IL1RAPL1: variants seen among roughly 807,000 people sequenced by gnomAD.
IL1RAPL1 encodes interleukin-1 receptor accessory protein-like 1.
Under a neutral mutation model 48.4 loss-of-function variants are expected in IL1RAPL1, and 3 were observed. The ratio of observed to expected loss-of-function variants is 0.06; its 90% CI spans 0.03 to 0.16. The LOEUF is 0.16. Among genes scored for constraint, IL1RAPL1 ranks in the 10% least tolerant of loss-of-function variants. IL1RAPL1 has a pLI of 1.00. For missense variants in IL1RAPL1, 349 were observed against 530.6 expected (o/e 0.66, Z 3.36); for synonymous variants, 185 against 187.7 (o/e 0.99, Z 0.12).
At chrX:29,008,262 C>T (rs1209042224) in intron 2 of IL1RAPL1, among the ~76,000 whole-genome samples, 1 of 110,438 alleles carries the variant, frequency 9.1e-6, no homozygotes, top group Non-Finnish European at 1.9e-5. Context: ...CTCCGCCTCC[C>T]GGGTTCACAC....
intron 2 of IL1RAPL1, among the ~76,000 whole-genome samples, chrX:29,230,504 CAAAA>C (rs60539139): frequency 1.1e-3 from 18 of 16,593 alleles, no homozygotes; most frequent in African/African-American, 2.9e-3. Flanking sequence ...GTCCCTTTAC[CAAAA>C]AAAAAAAAAA....
At chrX:29,001,228 TTACA>T (rs1392123664) in intron 2 of IL1RAPL1, among the ~76,000 whole-genome samples, 1 of 112,230 alleles carries the variant, frequency 8.9e-6, no homozygotes, top group Non-Finnish European at 1.9e-5. Flanking sequence ...TTGAAAAATC[TTACA>T]TACAGTATTA....
chrX:28,985,737 A>G (rs56984215), intron 2 of IL1RAPL1, among the ~76,000 whole-genome samples: 5,399 of 99,864 alleles, frequency 0.054, 170 homozygotes, highest in African/African-American at 0.1. Context: ...TCGGCTCACT[A>G]CAAGCTCCGC....
chrX:28,818,931 C>G (rs1457903415), intron 2 of IL1RAPL1, among the ~76,000 whole-genome samples: 2 of 110,477 alleles, frequency 1.8e-5, no homozygotes, highest in African/African-American at 3.3e-5. Context: ...GTACATAGTT[C>G]CTGTGTTATT....
intron 6 of IL1RAPL1, among the ~76,000 whole-genome samples, chrX:29,785,656 G>A (rs139920899): frequency 0.026 from 2,937 of 111,713 alleles, 74 homozygotes; most frequent in African/African-American, 0.091. Context: ...AACTCGAAAT[G>A]AATAAAACGT....
chrX:29,913,029 C>T (rs1156299339), intron 6 of IL1RAPL1, among the ~76,000 whole-genome samples: 2 of 111,234 alleles, frequency 1.8e-5, no homozygotes, highest in Non-Finnish European at 3.8e-5. Flanking sequence ...TGGGTTCCAA[C>T]GTCACAGCTC....
intron 2 of IL1RAPL1, among the ~76,000 whole-genome samples, chrX:29,124,257 A>G (rs1396833273): frequency 8.9e-6 from 1 of 112,489 alleles, no homozygotes; most frequent in Non-Finnish European, 1.9e-5. Context: ...ATAGTCCATC[A>G]TCAAAAATAA....
intron 6 of IL1RAPL1, among the ~76,000 whole-genome samples, chrX:29,761,265 C>T (rs1179096159): frequency 8.9e-6 from 1 of 111,824 alleles, no homozygotes; most frequent in Non-Finnish European, 1.9e-5. Context: ...TCTAAAACTT[C>T]TCCATCTTTC....
At chrX:29,482,378 T>C (rs1483040847) in intron 5 of IL1RAPL1, among the ~76,000 whole-genome samples, 1 of 111,969 alleles carries the variant, frequency 8.9e-6, no homozygotes, top group East Asian at 2.8e-4. Flanking sequence ...CTTATACATA[T>C]GGGTATGATA....
At chrX:29,920,439 G>A (rs1279476106) in intron 8 of IL1RAPL1, among the ~76,000 whole-genome samples, 1 of 111,229 alleles carries the variant, frequency 9.0e-6, no homozygotes, top group Non-Finnish European at 1.9e-5. Context: ...ACAAAAAAAT[G>A]TGAAGGGCTT....
At chrX:29,475,564 A>G (rs1350986295) in intron 5 of IL1RAPL1, among the ~76,000 whole-genome samples, 2 of 112,119 alleles carry the variant, frequency 1.8e-5, no homozygotes, top group Non-Finnish European at 3.8e-5. Context: ...GAAGGCACCA[A>G]TGAATCTAAT....
chrX:29,213,851 A>C (rs1166673400), intron 2 of IL1RAPL1, among the ~76,000 whole-genome samples: 1 of 112,036 alleles, frequency 8.9e-6, no homozygotes, highest in East Asian at 2.8e-4. Flanking sequence ...ATTTTCTTTG[A>C]TCCATAACAT....
rs770531366 is a variant in IL1RAPL1, at chrX:28,943,437, A to T, written c.82+154012A>T. ...AATAATCTATCAGTAATGTATATGA[A>T]CCCTTAAAATGAGAGAAGTAGATGT... is the stretch of plus-strand genomic sequence containing the variant. On this transcript the variant is annotated intron_variant, in intron 2 of 10. Coordinates refer to ENST00000378993, the MANE Select transcript of IL1RAPL1 (RefSeq NM_014271.4). 4.2e-3 allele frequency among the ~76,000 whole-genome samples: 465 copies of T among 110,150 alleles called. 4 individuals are homozygous for T. Among genetic ancestry groups the T allele is most frequent in the African/African-American group, 0.014 (438 of 30,510 alleles).
chrX:29,952,212 G>A (rs1349144863), intron 9 of IL1RAPL1, among the ~76,000 whole-genome samples: 1 of 111,990 alleles, frequency 8.9e-6, no homozygotes, highest in Non-Finnish European at 1.9e-5. Flanking sequence ...GAGAAGATAT[G>A]AGGCAATGAA....
rs180964574 is a variant in IL1RAPL1, at chrX:28,705,569, C to G, written c.-24-83751C>G. On this transcript the variant is annotated intron_variant, in intron 1 of 10. Coordinates refer to ENST00000378993, the MANE Select transcript of IL1RAPL1 (RefSeq NM_014271.4). The stretch of plus-strand genomic sequence containing the variant: ...CAACGTGCACATGTGAATTAGGCAC[C>G]ATAATAGACGTTGTAATATAAATAT... 1.6e-3 allele frequency among the ~76,000 whole-genome samples: 180 copies of G among 111,432 alleles called. 1 individual carries two copies. Among genetic ancestry groups the G allele is most frequent in the Non-Finnish European group, 2.9e-3 (154 of 53,012 alleles).
chrX:29,802,747 T>TTATATATATA lies in IL1RAPL1; in HGVS notation c.779-114691_779-114682dup, dbSNP rs1210417673. On this transcript the variant is annotated intron_variant, in intron 6 of 10. Coordinates refer to ENST00000378993, the MANE Select transcript of IL1RAPL1 (RefSeq NM_014271.4). ...AGCTATGAGGTCTCTGAGGAAAAAATTATATATATATATATATATATATAT... is the reference window on the plus strand; with the variant it reads ...AGCTATGAGGTCTCTGAGGAAAAAATTATATATATATATATATATATATATATATATATAT... Among the ~76,000 whole-genome samples the TTATATATATA allele has an allele frequency of 3.3e-3, 121 of 36,170 alleles. 1 individual carries two copies. Among genetic ancestry groups the TTATATATATA allele is most frequent in the South Asian group, 8.1e-3 (4 of 494 alleles). 31.4% of individuals were successfully genotyped at this position (36,170 alleles called of 115,157 possible). A position where few individuals can be genotyped will look rare whatever the true frequency, so the allele number is the denominator to read the frequency against.
chrX:28,829,872 A>AT (rs1290075079), intron 2 of IL1RAPL1, among the ~76,000 whole-genome samples: 5 of 106,088 alleles, frequency 4.7e-5, no homozygotes, highest in East Asian at 5.9e-4. Context: ...ATTTTTTCAG[A>AT]TTTTTTTTTT....
At chrX:29,302,956 A>G (rs1932559985) in intron 3 of IL1RAPL1, among the ~76,000 whole-genome samples, 1 of 112,335 alleles carries the variant, frequency 8.9e-6, no homozygotes, top group South Asian at 3.7e-4. Context: ...CTGTGAGACA[A>G]TGTAGACATA....
intron 2 of IL1RAPL1, among the ~76,000 whole-genome samples, chrX:29,004,992 T>C (rs892497668): frequency 8.9e-6 from 1 of 112,345 alleles, no homozygotes; most frequent in African/African-American, 3.2e-5. Context: ...ATTTGGCATT[T>C]TGAGCTTGTT....
Sources: allele counts gnomAD v4.1 joint callset (sites outside exome capture counted in the v4.1 genomes callset), GRCh38; gene constraint gnomAD v4.1.1; transcripts MANE v1.5; gene names NCBI Gene and HGNC (gene_info 2026-07-23, HGNC 2026-07-21).